Variants in GPC6 observed in about 807,000 individuals in gnomAD.
GPC6 encodes the protein glypican-6.
GPC6 carries 14 observed loss-of-function variants against 55.2 expected under a neutral mutation model. The ratio of observed to expected loss-of-function variants is 0.25; its 90% CI spans 0.17 to 0.40. The LOEUF (loss-of-function observed/expected upper bound fraction) is 0.40. Ranked by LOEUF, GPC6 falls within the 10% of genes least tolerant of loss-of-function variation. The pLI is 1.00. For missense variants in GPC6, 641 were observed against 708.5 expected (o/e 0.90, Z 1.08); for synonymous variants, 278 against 259.6 (o/e 1.07, Z -0.68).
intron 2 of GPC6, among the ~76,000 whole-genome samples, chr13:93,646,407 A>C (rs1880174007): frequency 6.6e-6 from 1 of 152,138 alleles, no homozygotes; most frequent in Non-Finnish European, 1.5e-5. Context: ...TACGCTAGTC[A>C]GTTTATCTTG....
At chr13:94,313,432 C>G (rs1296862431) in intron 6 of GPC6, among the ~76,000 whole-genome samples, 1 of 152,146 alleles carries the variant, frequency 6.6e-6, no homozygotes, top group Non-Finnish European at 1.5e-5. Flanking sequence ...AGAAGCTATT[C>G]TTTTGGGCAT....
At chr13:93,444,576 C>T (rs1877931419) in intron 1 of GPC6, among the ~76,000 whole-genome samples, 1 of 152,156 alleles carries the variant, frequency 6.6e-6, no homozygotes, top group East Asian at 1.9e-4. Flanking sequence ...CACTGCACTC[C>T]AGCCTGGGTG....
intron 2 of GPC6, among the ~76,000 whole-genome samples, chr13:93,766,259 C>G (rs7993028): frequency 0.67 from 101,205 of 152,026 alleles, 34,682 homozygotes; most frequent in African/African-American, 0.81. Flanking sequence ...CTGCAGATGT[C>G]TCCTGAATCC....
At chr13:93,319,639 A>T (rs1879364797) in intron 1 of GPC6, among the ~76,000 whole-genome samples, 1 of 152,140 alleles carries the variant, frequency 6.6e-6, no homozygotes. Flanking sequence ...CACTGTTTTC[A>T]GAAAAAGAGC....
chr13:93,299,929 A>G (rs1207691901), intron 1 of GPC6, among the ~76,000 whole-genome samples: 1 of 152,238 alleles, frequency 6.6e-6, no homozygotes, highest in Non-Finnish European at 1.5e-5. Context: ...TTAATAAAGC[A>G]GGGAAGATAT....
intron 4 of GPC6, among the ~76,000 whole-genome samples, chr13:94,032,221 C>A (rs1224000427): frequency 6.6e-6 from 1 of 152,138 alleles, no homozygotes; most frequent in Admixed American, 6.6e-5. Flanking sequence ...ATTGGGTAAG[C>A]TAGGCATATA....
intron 1 of GPC6, among the ~76,000 whole-genome samples, chr13:93,530,651 C>T (rs570162709): frequency 6.6e-6 from 1 of 152,070 alleles, no homozygotes; most frequent in East Asian, 1.9e-4. Context: ...GAATCTCTTC[C>T]TAAGAACAGC....
chr13:94,234,323 T>C (rs1389417700), intron 4 of GPC6, among the ~76,000 whole-genome samples: 2 of 152,174 alleles, frequency 1.3e-5, no homozygotes, highest in East Asian at 3.9e-4. Flanking sequence ...AATTCATTTT[T>C]ATTGTATCTG....
At chr13:93,397,646 G>A (rs187687921) in intron 1 of GPC6, among the ~76,000 whole-genome samples, 13 of 152,162 alleles carry the variant, frequency 8.5e-5, no homozygotes, top group Non-Finnish European at 1.6e-4. Flanking sequence ...TATGTGCCAG[G>A]TACTGTGCTG....
intron 1 of GPC6, among the ~76,000 whole-genome samples, chr13:93,322,905 CATTAGGT>C (rs1452802497): frequency 2.0e-5 from 3 of 152,016 alleles, no homozygotes; most frequent in African/African-American, 7.2e-5. Context: ...CCGTCATCTA[CATTAGGT>C]ATTTCTCCTA....
intron 3 of GPC6, among the ~76,000 whole-genome samples, chr13:93,854,915 A>C (rs74108894): frequency 0.037 from 5,558 of 151,632 alleles, 280 homozygotes; most frequent in East Asian, 0.17. Context: ...GAAGGTACAG[A>C]GATTTCCCAC....
rs186228053 is a variant in GPC6, at chr13:93,409,768, C to T, written c.161-135495C>T. Among the ~76,000 whole-genome samples the T allele has an allele frequency of 1.1e-4, 17 of 152,222 alleles. No individual in the cohort carries two copies. In the East Asian group the frequency reaches 1.7e-3, roughly 16 times the overall value. On this transcript the variant is annotated intron_variant, in intron 1 of 8. Transcript: ENST00000377047. ...ACTTTAAGCTCTATGTAATTGTAAA[C>T]GTTTTCAATTAAGGGGCGGGAATAA...
intron 2 of GPC6, among the ~76,000 whole-genome samples, chr13:93,784,491 A>G (rs1885762143): frequency 6.6e-6 from 1 of 152,202 alleles, no homozygotes. Context: ...CATGGATTTT[A>G]CACCCATGGC....
At chr13:93,359,302 T>G (rs573068667) in intron 1 of GPC6, among the ~76,000 whole-genome samples, 3 of 152,208 alleles carry the variant, frequency 2.0e-5, no homozygotes, top group African/African-American at 7.2e-5. Flanking sequence ...TAATAATAAC[T>G]AATTGATTTT....
At chr13:93,956,085 G>A (rs2140378157) in intron 3 of GPC6, among the ~76,000 whole-genome samples, 1 of 152,164 alleles carries the variant, frequency 6.6e-6, no homozygotes, top group South Asian at 2.1e-4. Context: ...TCTTGCTAAA[G>A]CAAATATACA....
At chr13:93,949,688 G>T (rs1057216399) in intron 3 of GPC6, among the ~76,000 whole-genome samples, 1 of 151,990 alleles carries the variant, frequency 6.6e-6, no homozygotes, top group African/African-American at 2.4e-5. Context: ...GGAGGGAGAG[G>T]GCAATGGGGA....
At chr13:93,880,654 T>G (rs1024722728) in intron 3 of GPC6, among the ~76,000 whole-genome samples, 2 of 152,058 alleles carry the variant, frequency 1.3e-5, no homozygotes, top group Non-Finnish European at 2.9e-5. Context: ...GCATGGCACA[T>G]GTATACATAT....
intron 2 of GPC6, among the ~76,000 whole-genome samples, chr13:93,804,228 T>G (rs969456082): frequency 4.6e-5 from 7 of 152,158 alleles, no homozygotes; most frequent in African/African-American, 1.7e-4. Context: ...CAATTAAGCC[T>G]AAAATTTTAA....
At chr13:93,537,155 G>GT (rs952510196) in intron 1 of GPC6, among the ~76,000 whole-genome samples, 41 of 152,134 alleles carry the variant, frequency 2.7e-4, no homozygotes, top group African/African-American at 8.4e-4. Flanking sequence ...AAAAATTTTC[G>GT]TAAGTTTGCT....
Sources: allele counts gnomAD v4.1 joint callset (sites outside exome capture counted in the v4.1 genomes callset), GRCh38; gene constraint gnomAD v4.1.1; transcripts MANE v1.5; gene names NCBI Gene and HGNC (gene_info 2026-07-23, HGNC 2026-07-21).